Variants in ADGRB3 observed in about 807,000 individuals in gnomAD.
ADGRB3 encodes brain-specific angiogenesis inhibitor 3.
Under a neutral mutation model 193.4 loss-of-function variants are expected in ADGRB3, and 37 were observed. The ratio of observed to expected loss-of-function variants is 0.19; its 90% CI spans 0.15 to 0.25. ADGRB3 has a LOEUF of 0.25. Ranked by LOEUF, ADGRB3 falls within the 10% of genes least tolerant of loss-of-function variation. ADGRB3 has a pLI of 1.00. For synonymous variants in ADGRB3, 690 were observed against 644.2 expected (o/e 1.07, Z -1.08); for missense variants, 1,637 against 1,852.9 (o/e 0.88, Z 2.14).
chr6:69,183,078 C>A (rs995613344), intron 17 of ADGRB3, among the ~76,000 whole-genome samples: 2 of 152,090 alleles, frequency 1.3e-5, no homozygotes, highest in Non-Finnish European at 2.9e-5. Flanking sequence ...GCCAACGAAG[C>A]AATTTATAGG....
chr6:68,968,501 G>A (rs142042973), intron 8 of ADGRB3, among the ~76,000 whole-genome samples: 254 of 152,000 alleles, frequency 1.7e-3, no homozygotes, highest in Non-Finnish European at 3.3e-3. Flanking sequence ...GTTCACCAAT[G>A]GAACTAAAGG....
At chr6:69,205,537 A>G (rs1765520523) in intron 17 of ADGRB3, among the ~76,000 whole-genome samples, 1 of 152,148 alleles carries the variant, frequency 6.6e-6, no homozygotes, top group South Asian at 2.1e-4. Context: ...ATTTATAAAT[A>G]AAAGATGTTT....
chr6:69,376,516 AAGACAC>A (rs142232199), intron 30 of ADGRB3, among the ~76,000 whole-genome samples: 4,489 of 152,114 alleles, frequency 0.03, 242 homozygotes, highest in African/African-American at 0.1. Context: ...AGGACAAAAG[AAGACAC>A]AGACACAGGG....
chr6:68,865,619 T>A (rs1228253699), intron 3 of ADGRB3, among the ~76,000 whole-genome samples: 2 of 152,132 alleles, frequency 1.3e-5, no homozygotes, highest in African/African-American at 2.4e-5. Context: ...AGGGGTCCCT[T>A]TATCTGGTGG....
At chr6:69,347,688 GGTA>G (rs1427390864) in intron 26 of ADGRB3, among the ~76,000 whole-genome samples, 2 of 152,060 alleles carry the variant, frequency 1.3e-5, no homozygotes, top group Non-Finnish European at 2.9e-5. Context: ...AGGAGGAGAA[GGTA>G]GTAGGGTTGT....
At chr6:68,759,798 C>G (rs1310126754) in intron 3 of ADGRB3, among the ~76,000 whole-genome samples, 1 of 151,714 alleles carries the variant, frequency 6.6e-6, no homozygotes, top group Non-Finnish European at 1.5e-5. Flanking sequence ...AGAAACTAAG[C>G]CAATTGAGAG....
chr6:69,292,420 T>C (rs1035919070), intron 20 of ADGRB3, among the ~76,000 whole-genome samples: 5 of 152,188 alleles, frequency 3.3e-5, no homozygotes, highest in Non-Finnish European at 5.9e-5. Flanking sequence ...ATCCTGTATA[T>C]TCTCCTTTCT....
intron 17 of ADGRB3, among the ~76,000 whole-genome samples, chr6:69,209,084 C>G (rs1212514345): frequency 2.0e-5 from 3 of 152,196 alleles, no homozygotes; most frequent in Non-Finnish European, 4.4e-5. Flanking sequence ...AACAGCATCC[C>G]TATCTGCCAC....
At chr6:69,264,826 C>T (rs1355726854) in intron 20 of ADGRB3, among the ~76,000 whole-genome samples, 3 of 151,846 alleles carry the variant, frequency 2.0e-5, no homozygotes, top group African/African-American at 4.8e-5. Flanking sequence ...ACCAGCTATT[C>T]TACAATACTC....
At chr6:68,730,934 G>T (rs184867169) in intron 3 of ADGRB3, among the ~76,000 whole-genome samples, 1 of 151,644 alleles carries the variant, frequency 6.6e-6, no homozygotes, top group East Asian at 2.0e-4. Context: ...TCAAACACTG[G>T]CTTTCAGGGT....
chr6:68,706,202 C>A (rs779368309), intron 3 of ADGRB3, among the ~76,000 whole-genome samples: 1 of 151,932 alleles, frequency 6.6e-6, no homozygotes. Context: ...TGTTATCACC[C>A]CCAAAGGAGC....
chr6:69,056,619 C>A (rs1466987842), intron 15 of ADGRB3, among the ~76,000 whole-genome samples: 2 of 152,124 alleles, frequency 1.3e-5, no homozygotes, highest in Admixed American at 6.5e-5. Context: ...ATGTTTACAT[C>A]TTAATCCATT....
chr6:69,286,956 T>C (rs1378304580), intron 20 of ADGRB3, among the ~76,000 whole-genome samples: 1 of 152,208 alleles, frequency 6.6e-6, no homozygotes, highest in Non-Finnish European at 1.5e-5. Flanking sequence ...TTTTCTCTAA[T>C]CTAATATTTA....
At chr6:68,974,891 C>T (rs769600757) in intron 9 of ADGRB3, 27 bp downstream of exon 9, 3 of 1,571,624 alleles carry the variant, frequency 1.9e-6, no homozygotes, top group Non-Finnish European at 2.6e-6. Flanking sequence ...CACCCAAACC[C>T]TAGTGATAAT....
chr6:68,788,729 G>C (rs949546420), intron 3 of ADGRB3, among the ~76,000 whole-genome samples: 4 of 152,128 alleles, frequency 2.6e-5, no homozygotes, highest in Admixed American at 2.6e-4. Flanking sequence ...CTGTCTCTTT[G>C]ATCTGTCTAA....
Position 68,894,109 on chromosome 6 carries a change from T to C in ADGRB3, c.758-36450T>C, listed in dbSNP as rs138703802. On this transcript the variant is annotated intron_variant, in intron 3 of 31. Coordinates refer to ENST00000370598, the MANE Select transcript of ADGRB3 (RefSeq NM_001704.3). ...ATGAATAATACTATGAAATAACATT[T>C]ATTTCAAAATCCTTTTTTAATTACT... 2.6e-3 allele frequency among the ~76,000 whole-genome samples: 394 copies of C among 152,082 alleles called. 3 individuals carry two copies. The highest frequency in any genetic ancestry group is 0.014 in the Admixed American group (221 of 15,256).
intron 3 of ADGRB3, among the ~76,000 whole-genome samples, chr6:68,886,238 G>T (rs996522900): frequency 6.6e-6 from 1 of 152,004 alleles, no homozygotes; most frequent in African/African-American, 2.4e-5. Context: ...TACCTTGCTG[G>T]ACATTATTTA....
chr6:69,297,147 T>C (rs1022352199), intron 20 of ADGRB3, among the ~76,000 whole-genome samples: 3 of 152,028 alleles, frequency 2.0e-5, no homozygotes, highest in Non-Finnish European at 2.9e-5. Flanking sequence ...GTGCTATGAG[T>C]TTCATCATTG....
rs796414544 is a variant in ADGRB3, at chr6:69,247,023, C to A, written c.2814+7797C>A. On this transcript the variant is annotated intron_variant, in intron 20 of 31. Transcript: ENST00000370598. Reference sequence around the variant, plus strand: ...GATCAATTCTACTCTCCATCCCCACCACCCCTGCATTAGACTTGGCCTTCA... The same window carrying A: ...GATCAATTCTACTCTCCATCCCCACAACCCCTGCATTAGACTTGGCCTTCA... 2.0e-5 allele frequency among the ~76,000 whole-genome samples: 3 copies of A among 152,170 alleles called. No homozygotes were observed. The South Asian group carries it at 6.2e-4, about 31-fold the overall frequency.
Sources: allele counts gnomAD v4.1 joint callset (sites outside exome capture counted in the v4.1 genomes callset), GRCh38; gene constraint gnomAD v4.1.1; transcripts MANE v1.5; gene names NCBI Gene and HGNC (gene_info 2026-07-23, HGNC 2026-07-21).